EEF1A1: variants seen among roughly 807,000 people sequenced by gnomAD.
The protein encoded by EEF1A1 is eukaryotic translation elongation factor 1 alpha 1.
A neutral mutation model predicts 38.5 loss-of-function variants in EEF1A1; 1 was observed. The observed-to-expected ratio is 0.03, with a 90% CI of 0.01 to 0.12. The LOEUF (loss-of-function observed/expected upper bound fraction) is 0.12. EEF1A1 is among the 10% of genes least tolerant of loss of function. The pLI is 1.00. For missense variants in EEF1A1, 184 were observed against 588.3 expected, an observed-to-expected ratio of 0.31 and a Z score of 7.11; for synonymous variants, 229 against 203.7, an observed-to-expected ratio of 1.12 and a Z score of -1.06.
chr6:73,519,254 C>T (rs767236502), intron 3 of EEF1A1, 26 bp from the exon 4 acceptor site: 8 of 1,606,468 alleles, frequency 5.0e-6, no homozygotes, highest in Non-Finnish European at 1.7e-6. Flanking sequence ...AGACATATCC[C>T]TGTCAACTCT....
chr6:73,520,846 A>C (rs1473473969), intron 1 of EEF1A1, 154 bp downstream of exon 1: 1 of 152,484 alleles, frequency 6.6e-6, no homozygotes, highest in African/African-American at 2.4e-5. Flanking sequence ...GGGCTCCTTA[A>C]GCGCAAGGCC....
At position 73,518,034 on chromosome 6, in the gene EEF1A1, A is replaced by C. The variant is rs754832249; in HGVS notation, c.1260T>G (p.Pro420=). 2 of 1,596,498 alleles carry C rather than the reference A, an allele frequency of 1.3e-6. No individual in the cohort carries two copies. Among genetic ancestry groups the C allele is most frequent in the African/African-American group, 2.7e-5 (2 of 74,560 alleles). ...CATTTAAGTAGTCATCCTTACCCAA[A>C]GGTGGATAGTCTGAGAAGCTCTCAA... is the stretch of plus-strand genomic sequence containing the variant. The part of the protein sequence containing the change: ...MCVESFSDYP[P]LGRFAVRDMR... The change falls in exon 7 of 8, where the codon CCT becomes CCG. Residue 420 remains proline (P), a synonymous_variant. Transcript: ENST00000309268.
chr6:73,518,609 A>G lies in EEF1A1; in HGVS notation c.774T>C (p.Gly258=). 1 of 1,613,304 alleles carries G rather than the reference A, an allele frequency of 6.2e-7. No individual in the cohort carries two copies. The highest frequency in any genetic ancestry group is 8.5e-7 in the Non-Finnish European group (1 of 1,179,348). Residue 258 remains glycine, a splice_region_variant and synonymous_variant, in exon 6 of 8, where the codon GGT becomes GGC. Transcript: ENST00000309268. The stretch of plus-strand genomic sequence containing the variant: ...CTCGGCCAACAGGAACAGTACCAAT[A>G]CCTAAAAATATTTACAGCATACTAA... ...LPLQDVYKIG[G]IGTVPVGRVE... is the part of the protein sequence containing the mutation.
In EEF1A1 at chr6:73,518,720, G is replaced by A. The variant is rs1765584205; in HGVS notation, c.750C>T (p.Leu250=). 14 of 1,614,086 alleles carry A rather than the reference G, an allele frequency of 8.7e-6. No individual in the cohort carries two copies. The highest frequency in any genetic ancestry group is 1.2e-5 in the Non-Finnish European group (14 of 1,180,004). The change falls in exon 5 of 8, where the codon CTC becomes CTT. Residue 250 remains leucine, a synonymous_variant. Transcript: ENST00000309268. ...RPTDKPLRLP[L]QDVYKIGGIG... ...TACCACCAATTTTGTAGACATCCTG[G>A]AGAGGCAGGCGCAAGGGCTTGTCAG...
intron 1 of EEF1A1, 171 bp from the exon 2 acceptor site, chr6:73,520,227 C>T (rs927298236): frequency 1.7e-6 from 1 of 591,424 alleles, no homozygotes; most frequent in East Asian, 3.1e-5. Context: ...AACCCCTCCC[C>T]CCAACCTAAA....
At chr6:73,519,682 C>A (rs4708060) in intron 2 of EEF1A1, among the ~76,000 whole-genome samples, 166 bp from the exon 3 acceptor site, 138,294 of 152,206 alleles carry the variant, frequency 0.91, 62,929 homozygotes, top group East Asian at 0.95. Context: ...TTTTATAAGT[C>A]GGATCTTAAC....
intron 1 of EEF1A1, 121 bp from the exon 2 acceptor site, chr6:73,520,177 A>T (rs1482700982): frequency 5.6e-6 from 5 of 892,228 alleles, no homozygotes; most frequent in Non-Finnish European, 8.3e-6. Context: ...GCCTAACTTC[A>T]GTCTCCACCC....
chr6:73,518,319 C>G (rs372579366), intron 6 of EEF1A1, 35 bp downstream of exon 6: 3 of 1,611,746 alleles, frequency 1.9e-6, no homozygotes, highest in Non-Finnish European at 8.5e-7. Context: ...TGACTTTAGC[C>G]TCTGCAATAA....
chr6:73,517,147 T>C lies in EEF1A1; in HGVS notation c.*663A>G, dbSNP rs897633833. ...ATAGTCAACTTTCACTGCCCAGTCATTTTAACCCACGTTTCAACATGCACA... is the reference window on the plus strand; with the variant it reads ...ATAGTCAACTTTCACTGCCCAGTCACTTTAACCCACGTTTCAACATGCACA... On this transcript the variant is annotated 3_prime_UTR_variant, in exon 8 of 8. Transcript: ENST00000309268. 3.3e-5 allele frequency: 5 copies of C among 152,298 alleles called. No individual in the cohort carries two copies. Among genetic ancestry groups the C allele is most frequent in the African/African-American group, 1.2e-4 (5 of 41,456 alleles). The allele number at this position is 152,298 out of a possible 1,614,324, so 9.4% of individuals were successfully genotyped here. A position where few individuals can be genotyped will look rare whatever the true frequency, so the allele number is the denominator to read the frequency against.
rs1765552023 is a variant in EEF1A1 at position 73,517,611 on chromosome 6, C to G, written c.*199G>C. 4 of 437,370 alleles carry G rather than the reference C, an allele frequency of 9.1e-6. No individual in the cohort carries two copies. Among genetic ancestry groups the G allele is most frequent in the Non-Finnish European group, 8.1e-6 (2 of 246,556 alleles). The allele number at this position is 437,370 out of a possible 1,614,324, so 27.1% of individuals were successfully genotyped here. A position where few individuals can be genotyped will look rare whatever the true frequency, so the allele number is the denominator to read the frequency against. On this transcript the variant is annotated 3_prime_UTR_variant, in exon 8 of 8. Coordinates refer to ENST00000309268, the MANE Select transcript of EEF1A1 (RefSeq NM_001402.6). The stretch of plus-strand genomic sequence containing the variant: ...AAGTACTGATTTTAAAAACTAATAA[C>G]TTAAAACTGCCACACGCAAAAAAGA...
chr6:73,518,885 A>C, intron 4 of EEF1A1, 37 bp from the exon 5 acceptor site: 1 of 1,611,274 alleles, frequency 6.2e-7, no homozygotes, highest in Non-Finnish European at 8.5e-7. Flanking sequence ...TAAGCATGAA[A>C]TCGCCATTCC....
chr6:73,520,342 C>A, intron 1 of EEF1A1: 1 of 234,736 alleles, frequency 4.3e-6, no homozygotes, highest in South Asian at 7.0e-5. Flanking sequence ...AGGCCCTTTT[C>A]CTTTGTGTGG....
In EEF1A1 at chr6:73,519,994, G is replaced by A. The variant is rs770526323; in HGVS notation, c.33C>T (p.Val11=). 18 of 1,600,908 alleles carry A rather than the reference G, an allele frequency of 1.1e-5. No homozygotes were observed. The South Asian group carries it at 1.6e-4, about 15-fold the overall frequency. The change falls in exon 2 of 8, where the codon GTC becomes GTT. Residue 11 remains valine (V), a synonymous_variant. Coordinates refer to ENST00000309268, the MANE Select transcript of EEF1A1 (RefSeq NM_001402.6). ...TGCCCGAATCTACGTGTCCAATGAC[G>A]ACAATGTTGATATGAGTCTTTTCCT... The part of the protein sequence containing the change: MGKEKTHINI[V]VIGHVDSGKS...
Position 73,518,264 on chromosome 6 carries a change from C to A in EEF1A1, c.1030G>T (p.Val344Leu). Reference sequence around the variant, plus strand: ...TGGCCTGGATGGTTCAGGATAATCACCTTGGAAAAAAGATTTGCATTCAGT... The same window carrying A: ...TGGCCTGGATGGTTCAGGATAATCAACTTGGAAAAAAGATTTGCATTCAGT... Reference protein sequence around the residue: ...PMEAAGFTAQVIILNHPGQIS... With the variant: ...PMEAAGFTAQLIILNHPGQIS... Residue 344 changes from valine (V) to leucine (L), a missense_variant and splice_region_variant, in exon 7 of 8, where the codon GTG (valine) becomes TTG (leucine). Val to Leu is a conservative substitution (Grantham distance 32). This residue lies in a region of EEF1A1 where 81 missense variants were observed against 286.3 expected (regional missense o/e 0.28). Transcript: ENST00000309268. 1 of 1,611,512 alleles carries A rather than the reference C, an allele frequency of 6.2e-7. No homozygotes were observed. Among genetic ancestry groups the A allele is most frequent in the East Asian group, 2.2e-5 (1 of 44,770 alleles).
intron 4 of EEF1A1, 33 bp from the exon 5 acceptor site, chr6:73,518,881 T>G (rs768161561): frequency 6.2e-7 from 1 of 1,611,322 alleles, no homozygotes; most frequent in East Asian, 2.2e-5. Context: ...TGTGTAAGCA[T>G]GAAATCGCCA....
chr6:73,517,114 C>T lies in EEF1A1; in HGVS notation c.*696G>A, dbSNP rs1307109153. ...TAGCCACTACACTTATTTCTTATGT[C>T]ATGGCAAATAGTCAACTTTCACTGC... On this transcript the variant is annotated 3_prime_UTR_variant, in exon 8 of 8. Transcript: ENST00000309268. The T allele has an allele frequency of 6.6e-6, 1 of 152,298 alleles. No homozygotes were observed. Among genetic ancestry groups the T allele is most frequent in the African/African-American group, 2.4e-5 (1 of 41,460 alleles). The allele number at this position is 152,298 out of a possible 1,614,324, so 9.4% of individuals were successfully genotyped here. A position where few individuals can be genotyped will look rare whatever the true frequency, so the allele number is the denominator to read the frequency against.
chr6:73,520,126 A>G, intron 1 of EEF1A1, 70 bp from the exon 2 acceptor site: 1 of 1,433,654 alleles, frequency 7.0e-7, no homozygotes. Flanking sequence ...CAAACTCAAA[A>G]AGGGCAAATT....
chr6:73,517,759 C>G lies in EEF1A1; in HGVS notation c.*51G>C. On this transcript the variant is annotated 3_prime_UTR_variant, in exon 8 of 8. Transcript: ENST00000309268. Reference sequence around the variant, plus strand: ...CAATTGAAACAAACAGTTCTGAGACCGTTCTTCCACCACTGATTAAGAGTG... The same window carrying G: ...CAATTGAAACAAACAGTTCTGAGACGGTTCTTCCACCACTGATTAAGAGTG... 2.0e-6 allele frequency: 2 copies of G among 1,017,770 alleles called. No homozygotes were observed. Among genetic ancestry groups the G allele is most frequent in the Non-Finnish European group, 2.9e-6 (2 of 688,664 alleles). The allele number at this position is 1,017,770 out of a possible 1,614,324, so 63.0% of individuals were successfully genotyped here.
rs953933527 is a variant in EEF1A1 at position 73,517,481 on chromosome 6, A to C, written c.*329T>G. 1.6e-5 allele frequency: 4 copies of C among 252,578 alleles called. No homozygotes were observed. The highest frequency in any genetic ancestry group is 7.6e-6 in the Non-Finnish European group (1 of 132,190). 15.6% of individuals were successfully genotyped at this position (252,578 alleles called of 1,614,324 possible). A position where few individuals can be genotyped will look rare whatever the true frequency, so the allele number is the denominator to read the frequency against. ...AACCAGAATTAGATGTCTTTCACCT[A>C]AATGTCTCGGTGTTGACCAAAGGAA... On this transcript the variant is annotated 3_prime_UTR_variant, in exon 8 of 8. Transcript: ENST00000309268.
Sources: gnomAD v4.1 joint callset for allele counts (sites outside exome capture counted in the v4.1 genomes callset) on GRCh38, gnomAD v4.1.1 for gene constraint, gnomAD v4.1.1 regional missense constraint, MANE v1.5 for transcripts, NCBI Gene and HGNC (gene_info 2026-07-23, HGNC 2026-07-21) for gene names.